ITPRID1: variants seen among roughly 807,000 people sequenced by gnomAD.
The protein encoded by ITPRID1 is protein ITPRID1.
In ITPRID1, 96 loss-of-function variants were observed where a neutral mutation model predicts 95.4. The ratio of observed to expected loss-of-function variants is 1.01; its 90% CI spans 0.85 to 1.19. The LOEUF is 1.19. ITPRID1 is among the 50% of genes most tolerant of loss of function. ITPRID1 has a pLI of 0.00. For synonymous variants in ITPRID1, 510 were observed against 453.6 expected, an observed-to-expected ratio of 1.12 and a Z score of -1.58; for missense variants, 1,339 against 1,252.9, an observed-to-expected ratio of 1.07 and a Z score of -1.04.
At chr7:31,594,077 A>C (rs1785974387) in intron 10 of ITPRID1, among the ~76,000 whole-genome samples, 1 of 152,170 alleles carries the variant, frequency 6.6e-6, no homozygotes, top group Non-Finnish European at 1.5e-5. Context: ...AAATTATGAC[A>C]CCATATTTTA....
intron 10 of ITPRID1, among the ~76,000 whole-genome samples, chr7:31,598,692 C>T (rs562425740): frequency 6.6e-5 from 10 of 152,030 alleles, no homozygotes; most frequent in South Asian, 6.2e-4. Context: ...CGTGAGCCAC[C>T]GCGCTCGGTC....
intron 9 of ITPRID1, among the ~76,000 whole-genome samples, chr7:31,581,165 T>A (rs1449742182): frequency 1.3e-5 from 2 of 152,182 alleles, no homozygotes; most frequent in Non-Finnish European, 2.9e-5. Flanking sequence ...CAAGAGCCAA[T>A]GTACTTAAAT....
intron 10 of ITPRID1, among the ~76,000 whole-genome samples, chr7:31,640,802 G>C (rs1789951461): frequency 6.6e-6 from 1 of 152,124 alleles, no homozygotes; most frequent in South Asian, 2.1e-4. Context: ...TGTGTAACAA[G>C]AGGCAATGGC....
At chr7:31,530,120 C>G (rs1783548282) in intron 1 of ITPRID1, among the ~76,000 whole-genome samples, 6 of 152,102 alleles carry the variant, frequency 3.9e-5, no homozygotes. Flanking sequence ...GATGAAAATG[C>G]TTTGGGCTCA....
chr7:31,597,749 A>G (rs138215253), intron 10 of ITPRID1, among the ~76,000 whole-genome samples: 3 of 152,280 alleles, frequency 2.0e-5, no homozygotes, highest in African/African-American at 7.2e-5. Context: ...AACAATGCTA[A>G]TAAGTTTATT....
intron 8 of ITPRID1, among the ~76,000 whole-genome samples, chr7:31,577,443 T>C (rs1785225840): frequency 6.6e-6 from 1 of 152,202 alleles, no homozygotes; most frequent in Non-Finnish European, 1.5e-5. Flanking sequence ...ATAGGGATGA[T>C]GTAAGTGATG....
chr7:31,567,667 T>G (rs1053187080), intron 5 of ITPRID1, among the ~76,000 whole-genome samples: 2 of 151,896 alleles, frequency 1.3e-5, no homozygotes, highest in Non-Finnish European at 2.9e-5. Context: ...CTGCAAGCTC[T>G]GCCTCCCGGG....
chr7:31,610,944 TATTTAG>T (rs1369584800), intron 10 of ITPRID1, among the ~76,000 whole-genome samples: 3 of 151,774 alleles, frequency 2.0e-5, no homozygotes, highest in East Asian at 1.9e-4. Context: ...ATGTTTAATC[TATTTAG>T]ATTTAATGTA....
intron 3 of ITPRID1, 51 bp from the exon 4 acceptor site, chr7:31,554,424 C>T: frequency 6.3e-7 from 1 of 1,593,440 alleles, no homozygotes; most frequent in Non-Finnish European, 8.6e-7. Flanking sequence ...GGGTAGCATC[C>T]TTTTAGCTGG....
At chr7:31,555,450 TCA>T (rs1784415934) in intron 5 of ITPRID1, 1 of 152,272 alleles carries the variant, frequency 6.6e-6, no homozygotes, top group African/African-American at 2.4e-5. Flanking sequence ...ATTACAGGAC[TCA>T]CAGTTTCCAT....
At chr7:31,598,604 C>G (rs62448764) in intron 10 of ITPRID1, among the ~76,000 whole-genome samples, 11 of 151,710 alleles carry the variant, frequency 7.3e-5, no homozygotes, top group African/African-American at 2.2e-4. Context: ...GGGGTTTCAC[C>G]GTGTTAGCCA....
intron 1 of ITPRID1, among the ~76,000 whole-genome samples, chr7:31,527,601 C>T (rs1783461939): frequency 6.6e-6 from 1 of 152,176 alleles, no homozygotes; most frequent in Non-Finnish European, 1.5e-5. Flanking sequence ...TCTCAGCCTC[C>T]TTGGCTAAAT....
chr7:31,652,637 G>A lies in ITPRID1; in HGVS notation c.2943G>A (p.Pro981=), dbSNP rs145933301. ...SCSKIHPGMA[P]RTVFPPDDGQ... ...CTAAAATCCACCCAGGCATGGCCCC[G>A]AGGACTGTGTTTCCTCCCGATGATG... The change falls in exon 15 of 15, where the codon CCG becomes CCA. Residue 981 remains proline, a synonymous_variant. Transcript: ENST00000615280. 24 of 1,613,682 alleles carry A rather than the reference G, an allele frequency of 1.5e-5. No homozygotes were observed. The highest frequency in any genetic ancestry group is 9.3e-5 in the African/African-American group (7 of 74,928).
intron 10 of ITPRID1, among the ~76,000 whole-genome samples, chr7:31,632,335 C>G (rs957808467): frequency 2.0e-5 from 3 of 152,064 alleles, no homozygotes; most frequent in South Asian, 2.1e-4. Context: ...GTAGTCCCAG[C>G]TACTTGAGAG....
chr7:31,580,926 C>T (rs978707400), intron 9 of ITPRID1, among the ~76,000 whole-genome samples: 10 of 152,092 alleles, frequency 6.6e-5, no homozygotes, highest in East Asian at 3.9e-4. Context: ...ACACACTACT[C>T]GAATTTCATT....
intron 10 of ITPRID1, among the ~76,000 whole-genome samples, chr7:31,610,457 ATAGAT>A (rs1786816835): frequency 6.6e-6 from 1 of 151,810 alleles, no homozygotes; most frequent in Admixed American, 6.6e-5. Flanking sequence ...TTCAGTCTAA[ATAGAT>A]TAAACATTTC....
At chr7:31,582,671 TATTA>T (rs1319459601) in intron 9 of ITPRID1, among the ~76,000 whole-genome samples, 4 of 152,230 alleles carry the variant, frequency 2.6e-5, no homozygotes, top group South Asian at 2.1e-4. Context: ...CAGAAGTATT[TATTA>T]ATTTCTTTAA....
In ITPRID1 at chr7:31,616,273, C is replaced by G. The variant is rs573092196; in HGVS notation, c.1229-25903C>G. On this transcript the variant is annotated intron_variant, in intron 10 of 14. Transcript: ENST00000615280. Reference sequence around the variant, plus strand: ...TAAATGTAAGTTATTGCTAATTTCTCTCTCTAAAAAATTATTGTATTTATG... The same window carrying G: ...TAAATGTAAGTTATTGCTAATTTCTGTCTCTAAAAAATTATTGTATTTATG... Among the ~76,000 whole-genome samples, 16 of 152,224 alleles carry G rather than the reference C, an allele frequency of 1.1e-4. 1 individual carries two copies. Among genetic ancestry groups the G allele is most frequent in the Admixed American group, 3.9e-4 (6 of 15,288 alleles).
rs369866067 is a variant in ITPRID1 at position 31,572,145 on chromosome 7, A to G, written c.352A>G (p.Thr118Ala). Reference protein sequence around the residue: ...FSETPILSRGTSFNSCYSTAS... With the variant: ...FSETPILSRGASFNSCYSTAS... ...AGAAACTCCCATCCTATCCAGAGGGACCAGTTTCAACTCTTGCTATTCTAC... is the reference window on the plus strand; with the variant it reads ...AGAAACTCCCATCCTATCCAGAGGGGCCAGTTTCAACTCTTGCTATTCTAC... The change falls in exon 7 of 15, where the codon ACC (threonine) becomes GCC (alanine). Residue 118 changes from threonine (T) to alanine (A), a missense_variant. Coordinates refer to ENST00000615280, the MANE Select transcript of ITPRID1 (RefSeq NM_001257967.3). 4.3e-6 allele frequency: 7 copies of G among 1,611,758 alleles called. No homozygotes were observed. Among genetic ancestry groups the G allele is most frequent in the Admixed American group, 1.7e-5 (1 of 59,920 alleles).
Sources: gnomAD v4.1 joint callset for allele counts (sites outside exome capture counted in the v4.1 genomes callset) on GRCh38, gnomAD v4.1.1 for gene constraint, MANE v1.5 for transcripts, NCBI Gene and HGNC (gene_info 2026-07-23, HGNC 2026-07-21) for gene names.